The following UBR3 variants were observed in gnomAD, a reference collection of about 807,000 sequenced individuals.
The protein encoded by UBR3 is E3 ubiquitin-protein ligase UBR3.
In UBR3, 85 loss-of-function variants were observed where a neutral mutation model predicts 243.2. The ratio of observed to expected loss-of-function variants is 0.35; its 90% CI spans 0.29 to 0.42. The LOEUF is 0.42. Among genes scored for constraint, UBR3 ranks in the 10% least tolerant of loss-of-function variants. The pLI, the probability that UBR3 is intolerant of heterozygous loss-of-function variation, is 1.00. For synonymous variants in UBR3, 748 were observed against 799.8 expected, an observed-to-expected ratio of 0.94 and a Z score of 1.09; for missense variants, 1,686 against 2,300.8, an observed-to-expected ratio of 0.73 and a Z score of 5.47.
chr2:170,054,611 G>A (rs939911425), intron 32 of UBR3, among the ~76,000 whole-genome samples: 7 of 151,994 alleles, frequency 4.6e-5, no homozygotes, highest in African/African-American at 1.7e-4. Flanking sequence ...AATTTTTGTA[G>A]AGAGGGGGTC....
At chr2:170,077,600 C>A in intron 36 of UBR3, 1 of 509,786 alleles carries the variant, frequency 2.0e-6, no homozygotes, top group East Asian at 3.4e-5. Context: ...GTTGGAATAA[C>A]TTTGAGACAG....
Position 169,896,333 on chromosome 2 carries a change from C to T in UBR3, c.1237-174C>T, listed in dbSNP as rs140165214. On this transcript the variant is annotated intron_variant, in intron 7 of 38. Transcript: ENST00000272793. ...TTTCTTTAACCATCAAAATATTTTGCAAATGTTCCAAAAAAGTGAAAGACT... is the reference window on the plus strand; with the variant it reads ...TTTCTTTAACCATCAAAATATTTTGTAAATGTTCCAAAAAAGTGAAAGACT... Among the ~76,000 whole-genome samples, 12 of 151,328 alleles carry T rather than the reference C, an allele frequency of 7.9e-5. No individual in the cohort carries two copies. The East Asian group carries it at 2.3e-3, about 29-fold the overall frequency.
At chr2:169,974,626 C>G (rs576470789) in intron 24 of UBR3, among the ~76,000 whole-genome samples, 1 of 152,078 alleles carries the variant, frequency 6.6e-6, no homozygotes, top group African/African-American at 2.4e-5. Context: ...TTTCATTGAT[C>G]TTTTGCATTT....
intron 31 of UBR3, among the ~76,000 whole-genome samples, chr2:170,035,931 A>T (rs2105427902): frequency 6.8e-6 from 1 of 146,676 alleles, no homozygotes; most frequent in Non-Finnish European, 1.5e-5. Flanking sequence ...TTGCTAATTT[A>T]AATGATGCTG....
chr2:170,016,800 T>C (rs1274509955), intron 30 of UBR3: 2 of 546,140 alleles, frequency 3.7e-6, no homozygotes, highest in Non-Finnish European at 5.0e-6. Context: ...AGAGTCAATT[T>C]TGTAATTTAA....
At chr2:170,042,694 A>G (rs1304716995) in intron 32 of UBR3, among the ~76,000 whole-genome samples, 1 of 150,970 alleles carries the variant, frequency 6.6e-6, no homozygotes, top group Non-Finnish European at 1.5e-5. Flanking sequence ...GCCTCAAAAA[A>G]AAAAAAAAAA....
intron 1 of UBR3, among the ~76,000 whole-genome samples, chr2:169,867,175 T>TATATC (rs1413402442): frequency 6.6e-6 from 1 of 152,210 alleles, no homozygotes; most frequent in Non-Finnish European, 1.5e-5. Context: ...TAAGTAGAAG[T>TATATC]ATATCATATC....
chr2:169,872,104 T>C (rs928176044), intron 1 of UBR3, 132 bp from the exon 2 acceptor site: 98 of 662,932 alleles, frequency 1.5e-4, no homozygotes, highest in Admixed American at 2.1e-4. Flanking sequence ...TACATTCTTT[T>C]AACCTGGTAC....
At chr2:169,947,473 T>G in intron 21 of UBR3, 69 bp from the exon 22 acceptor site, 1 of 1,231,916 alleles carries the variant, frequency 8.1e-7, no homozygotes, top group Non-Finnish European at 1.0e-6. Flanking sequence ...TTGGGGGGCT[T>G]GTTACATCTC....
At chr2:170,036,645 A>T (rs548189490) in intron 31 of UBR3, among the ~76,000 whole-genome samples, 1 of 152,220 alleles carries the variant, frequency 6.6e-6, no homozygotes, top group East Asian at 1.9e-4. Flanking sequence ...ATTTGTATAC[A>T]TTCTTTGTGA....
intron 24 of UBR3, among the ~76,000 whole-genome samples, chr2:169,962,252 T>A (rs548899774): frequency 2.0e-5 from 3 of 152,288 alleles, no homozygotes; most frequent in Admixed American, 2.0e-4. Flanking sequence ...TAAAAATTTT[T>A]TTTTTTAATT....
intron 26 of UBR3, among the ~76,000 whole-genome samples, chr2:169,995,614 T>G (rs2089450484): frequency 6.6e-6 from 1 of 152,234 alleles, no homozygotes; most frequent in Non-Finnish European, 1.5e-5. Flanking sequence ...TAGAAACTTT[T>G]ATTATGGTAG....
chr2:170,014,056 G>C, intron 29 of UBR3: 1 of 381,658 alleles, frequency 2.6e-6, no homozygotes. Context: ...CTTATCAGCA[G>C]CAACCAGATG....
intron 1 of UBR3, among the ~76,000 whole-genome samples, chr2:169,862,092 G>T (rs1431810430): frequency 6.6e-6 from 1 of 151,884 alleles, no homozygotes; most frequent in African/African-American, 2.4e-5. Context: ...CTGCTTCAAG[G>T]TTTCAATGTA....
intron 19 of UBR3, among the ~76,000 whole-genome samples, chr2:169,940,126 A>G (rs1418671277): frequency 6.6e-6 from 1 of 152,168 alleles, no homozygotes; most frequent in African/African-American, 2.4e-5. Context: ...TGGGATATTC[A>G]TCACCTCAAA....
intron 1 of UBR3, among the ~76,000 whole-genome samples, chr2:169,828,529 C>G (rs950358909): frequency 3.3e-5 from 5 of 151,748 alleles, no homozygotes; most frequent in African/African-American, 4.8e-5. Context: ...TGGTCTTGTA[C>G]GTGCAGGGAA....
At chr2:169,837,031 T>C (rs2082132144) in intron 1 of UBR3, among the ~76,000 whole-genome samples, 1 of 140,648 alleles carries the variant, frequency 7.1e-6, no homozygotes, top group Non-Finnish European at 1.7e-5. Flanking sequence ...TAAAGAAATC[T>C]TCTTCACCTT....
intron 35 of UBR3, among the ~76,000 whole-genome samples, chr2:170,063,489 C>A (rs1479908579): frequency 6.6e-6 from 1 of 152,016 alleles, no homozygotes; most frequent in Non-Finnish European, 1.5e-5. Context: ...TACAGTAGTA[C>A]CCCCTTATCT....
At chr2:169,881,299 C>G (rs1406721038) in intron 5 of UBR3, among the ~76,000 whole-genome samples, 1 of 151,848 alleles carries the variant, frequency 6.6e-6, no homozygotes, top group Non-Finnish European at 1.5e-5. Context: ...CCTGCCTCAG[C>G]CTGCCGAGTA....
Sources: allele counts gnomAD v4.1 joint callset (sites outside exome capture counted in the v4.1 genomes callset), GRCh38; gene constraint gnomAD v4.1.1; transcripts MANE v1.5; gene names NCBI Gene and HGNC (gene_info 2026-07-23, HGNC 2026-07-21).